NLGN4X: variants seen among roughly 807,000 people sequenced by gnomAD.
NLGN4X encodes neuroligin-4, X-linked.
NLGN4X carries 3 observed loss-of-function variants against 40.3 expected under a neutral mutation model. The observed-to-expected ratio is 0.07, with a 90% CI of 0.03 to 0.19. NLGN4X has a LOEUF of 0.19. Ranked by LOEUF, NLGN4X falls within the 10% of genes least tolerant of loss-of-function variation. The pLI, the probability that NLGN4X is intolerant of heterozygous loss-of-function variation, is 1.00. For missense variants in NLGN4X, 382 were observed against 708.3 expected, an observed-to-expected ratio of 0.54 and a Z score of 5.23; for synonymous variants, 270 against 306.8, an observed-to-expected ratio of 0.88 and a Z score of 1.25.
chrX:6,185,622 T>C (rs1443256091), intron 1 of NLGN4X, among the ~76,000 whole-genome samples: 1 of 112,103 alleles, frequency 8.9e-6, no homozygotes, highest in Non-Finnish European at 1.9e-5. Flanking sequence ...GTTTTAACTG[T>C]ACAAAATGCA....
At chrX:5,984,283 T>C (rs973492501) in intron 3 of NLGN4X, among the ~76,000 whole-genome samples, 6 of 110,722 alleles carry the variant, frequency 5.4e-5, no homozygotes, top group Non-Finnish European at 1.1e-4. Flanking sequence ...TAACCATGCA[T>C]TAGATACAGT....
At chrX:6,093,854 C>G (rs900152920) in intron 2 of NLGN4X, among the ~76,000 whole-genome samples, 3 of 111,511 alleles carry the variant, frequency 2.7e-5, no homozygotes, top group African/African-American at 9.7e-5. Context: ...AAGGAGATAA[C>G]TTGTTATATA....
chrX:6,088,673 T>C (rs1268467828), intron 2 of NLGN4X, among the ~76,000 whole-genome samples: 2 of 112,143 alleles, frequency 1.8e-5, no homozygotes, highest in African/African-American at 6.5e-5. Flanking sequence ...ATAATAAACT[T>C]CAGCTTTCTT....
At chrX:5,948,300 A>C (rs187512764) in intron 3 of NLGN4X, among the ~76,000 whole-genome samples, 7 of 112,434 alleles carry the variant, frequency 6.2e-5, no homozygotes, top group Admixed American at 3.8e-4. Flanking sequence ...TTTACATTTA[A>C]GTGTAACCAA....
At chrX:6,217,967 T>C (rs1925235204) in intron 1 of NLGN4X, among the ~76,000 whole-genome samples, 1 of 112,100 alleles carries the variant, frequency 8.9e-6, no homozygotes, top group Admixed American at 9.5e-5. Flanking sequence ...GCTGTTGCTA[T>C]TTTCTAAATG....
intron 1 of NLGN4X, among the ~76,000 whole-genome samples, chrX:6,176,459 T>C (rs1920953894): frequency 8.9e-6 from 1 of 112,410 alleles, no homozygotes; most frequent in Non-Finnish European, 1.9e-5. Context: ...TGTGTGACCT[T>C]ACATGGAAAA....
At chrX:5,942,509 T>A (rs774049618) in intron 3 of NLGN4X, among the ~76,000 whole-genome samples, 1 of 110,450 alleles carries the variant, frequency 9.1e-6, no homozygotes, top group East Asian at 2.9e-4. Context: ...TGGCGAAACC[T>A]CGTCTCTACT....
intron 3 of NLGN4X, among the ~76,000 whole-genome samples, chrX:5,957,323 G>C (rs1027816824): frequency 3.6e-5 from 4 of 111,428 alleles, no homozygotes; most frequent in Non-Finnish European, 1.9e-5. Flanking sequence ...ATCAACTTTA[G>C]CATCTGAGTT....
intron 1 of NLGN4X, among the ~76,000 whole-genome samples, chrX:6,218,354 C>T (rs1352683687): frequency 9.0e-6 from 1 of 111,280 alleles, no homozygotes; most frequent in African/African-American, 3.3e-5. Flanking sequence ...AACCTAATTC[C>T]TAATATTTGG....
intron 2 of NLGN4X, chrX:6,032,551 G>T (rs778227096): frequency 7.4e-5 from 25 of 335,948 alleles, no homozygotes; most frequent in Admixed American, 1.2e-4. Flanking sequence ...TATACAAGAA[G>T]AAAATAATTA....
chrX:6,114,110 G>A (rs1373172967), intron 2 of NLGN4X, among the ~76,000 whole-genome samples: 1 of 111,443 alleles, frequency 9.0e-6, no homozygotes, highest in African/African-American at 3.3e-5. Flanking sequence ...ATGAGCCACC[G>A]CACCCGGCCT....
chrX:6,206,317 A>G (rs989365600), intron 1 of NLGN4X, among the ~76,000 whole-genome samples: 1 of 112,087 alleles, frequency 8.9e-6, no homozygotes, highest in Non-Finnish European at 1.9e-5. Flanking sequence ...GCTATGAGTG[A>G]TATGTTCATT....
intron 1 of NLGN4X, among the ~76,000 whole-genome samples, chrX:6,195,257 C>G (rs1342781378): frequency 8.9e-6 from 1 of 111,958 alleles, no homozygotes; most frequent in Non-Finnish European, 1.9e-5. Flanking sequence ...GAGCTTTATC[C>G]CCATTAGTTG....
intron 2 of NLGN4X, among the ~76,000 whole-genome samples, chrX:6,135,472 T>C (rs1028404552): frequency 2.7e-5 from 3 of 111,825 alleles, no homozygotes; most frequent in African/African-American, 6.5e-5. Context: ...GTACTATTTG[T>C]AATATAAGCA....
intron 2 of NLGN4X, among the ~76,000 whole-genome samples, chrX:6,141,911 A>G (rs942577036): frequency 8.9e-6 from 1 of 112,307 alleles, no homozygotes; most frequent in Non-Finnish European, 1.9e-5. Context: ...TCAAACCAGC[A>G]ATATTAATTG....
rs200757959 is a variant in NLGN4X at position 6,123,073 on chromosome X, GA to G, written c.472+27921del. On this transcript the variant is annotated intron_variant, in intron 2 of 5. Transcript: ENST00000381095. ...AGACTAGGAAGAACTACATTAGACA[GA>G]AAGGCTGAGAATTTCCCAGAATGAA... 5.7e-4 allele frequency among the ~76,000 whole-genome samples: 63 copies of G among 109,898 alleles called. No individual in the cohort carries two copies. The East Asian group carries it at 0.017, about 29-fold the overall frequency.
chrX:5,912,149 G>T (rs1199090219), intron 3 of NLGN4X, among the ~76,000 whole-genome samples: 2 of 111,400 alleles, frequency 1.8e-5, no homozygotes, highest in African/African-American at 6.6e-5. Context: ...TGTCACAGGG[G>T]TTTGATGTAC....
intron 2 of NLGN4X, among the ~76,000 whole-genome samples, chrX:6,097,495 C>T (rs751968661): frequency 4.0e-4 from 45 of 111,470 alleles, no homozygotes; most frequent in African/African-American, 1.4e-3. Flanking sequence ...TACCCCCTTA[C>T]CCTAAACTCC....
chrX:6,027,451 T>C (rs1054193919), intron 3 of NLGN4X, among the ~76,000 whole-genome samples: 3 of 112,288 alleles, frequency 2.7e-5, no homozygotes, highest in Non-Finnish European at 5.6e-5. Context: ...GTGGTGTTTA[T>C]TTTCTTTAAT....
Sources: gnomAD v4.1 joint callset for allele counts (sites outside exome capture counted in the v4.1 genomes callset) on GRCh38, gnomAD v4.1.1 for gene constraint, MANE v1.5 for transcripts, NCBI Gene and HGNC (gene_info 2026-07-23, HGNC 2026-07-21) for gene names.